The following ERCC6L2 variants were observed in gnomAD, a reference collection of about 807,000 sequenced individuals.
The protein encoded by ERCC6L2 is ERCC excision repair 6 like 2, also known as DNA excision repair protein ERCC-6-like 2.
In ERCC6L2, 77 loss-of-function variants were observed where a neutral mutation model predicts 132.0. The observed-to-expected ratio is 0.58, with a 90% CI of 0.49 to 0.71. The LOEUF is 0.71. ERCC6L2 is among the 30% of genes least tolerant of loss of function. ERCC6L2 has a pLI of 0.00. For synonymous variants in ERCC6L2, 583 were observed against 632.4 expected (o/e 0.92, Z 1.17); for missense variants, 1,542 against 1,837.6 (o/e 0.84, Z 2.94).
intron 16 of ERCC6L2, among the ~76,000 whole-genome samples, chr9:95,974,268 G>A (rs984709185): frequency 1.3e-5 from 2 of 152,044 alleles, no homozygotes; most frequent in Admixed American, 1.3e-4. Context: ...AGTTCATATG[G>A]GAGAGACAGG....
At chr9:96,033,765 T>C (rs534255946) in intron 19 of ERCC6L2, among the ~76,000 whole-genome samples, 1 of 152,316 alleles carries the variant, frequency 6.6e-6, no homozygotes, top group South Asian at 2.1e-4. Flanking sequence ...ATCTGGCAGA[T>C]TTTTGAGAAA....
Position 95,972,504 on chromosome 9 carries a change from G to A in ERCC6L2, c.2753G>A (p.Ser918Asn), listed in dbSNP as rs555749742. 1.1e-5 allele frequency: 14 copies of A among 1,289,800 alleles called. No individual in the cohort carries two copies. The highest frequency in any genetic ancestry group is 1.5e-5 in the African/African-American group (1 of 65,828). The allele number at this position is 1,289,800 out of a possible 1,614,324, so 79.9% of individuals were successfully genotyped here. A position where few individuals can be genotyped will look rare whatever the true frequency, so the allele number is the denominator to read the frequency against. ...ACAACTGAGAGATTCCCCGACAATA[G>A]TATAAGGTTTAAGCCACCCTTGGAA... ...QYTTERFPDN[S>N]IRFKPPLEGS... Residue 918 changes from serine to asparagine, a missense_variant, in exon 16 of 19, where the codon AGT (serine) becomes AAT (asparagine). Physicochemically the swap from Ser to Asn is conservative, Grantham distance 46. Coordinates refer to ENST00000653738, the MANE Select transcript of ERCC6L2 (RefSeq NM_020207.7).
At position 95,894,839 on chromosome 9, in the gene ERCC6L2, G is replaced by A. The variant is rs930623345; in HGVS notation, c.472-3010G>A. ...TTGAACTCCTAACCTCAGGTGATCC[G>A]CCCGCCTCGGCCTCCCAAAATGCTG... is the stretch of plus-strand genomic sequence containing the variant. On this transcript the variant is annotated intron_variant, in intron 2 of 18. Coordinates refer to ENST00000653738, the MANE Select transcript of ERCC6L2 (RefSeq NM_020207.7). Among the ~76,000 whole-genome samples the A allele has an allele frequency of 2.0e-5, 3 of 151,886 alleles. No homozygotes were observed. In the South Asian group the frequency reaches 6.2e-4, roughly 32 times the overall value.
At chr9:95,883,523 T>C (rs1001967905) in intron 2 of ERCC6L2, among the ~76,000 whole-genome samples, 1 of 152,240 alleles carries the variant, frequency 6.6e-6, no homozygotes, top group Admixed American at 6.5e-5. Flanking sequence ...GGTAGAATGT[T>C]TGTTACCACA....
At chr9:95,960,248 A>G (rs998547879) in intron 13 of ERCC6L2, among the ~76,000 whole-genome samples, 1 of 152,108 alleles carries the variant, frequency 6.6e-6, no homozygotes, top group Non-Finnish European at 1.5e-5. Flanking sequence ...TAAGCATGTG[A>G]AGTATTTAAA....
chr9:95,967,825 C>G (rs950930926), intron 14 of ERCC6L2: 4 of 152,096 alleles, frequency 2.6e-5, no homozygotes, highest in African/African-American at 9.7e-5. Flanking sequence ...TTTCCCTTTT[C>G]ATATCAATAA....
chr9:95,994,112 A>C (rs1413900442), intron 17 of ERCC6L2, among the ~76,000 whole-genome samples: 1 of 152,224 alleles, frequency 6.6e-6, no homozygotes, highest in Non-Finnish European at 1.5e-5. Context: ...ATACTTAAGC[A>C]AAAATCCCGA....
At chr9:95,910,023 G>A (rs1182534551) in intron 4 of ERCC6L2, among the ~76,000 whole-genome samples, 2 of 152,160 alleles carry the variant, frequency 1.3e-5, no homozygotes, top group Non-Finnish European at 2.9e-5. Flanking sequence ...TCTGATCCAT[G>A]TGCACTTGGA....
At chr9:95,987,745 C>A (rs541400912) in intron 17 of ERCC6L2, among the ~76,000 whole-genome samples, 13 of 152,320 alleles carry the variant, frequency 8.5e-5, no homozygotes, top group African/African-American at 3.1e-4. Context: ...CTCCACTAGG[C>A]AGTGCCCTAT....
Position 95,876,091 on chromosome 9 carries a change from G to A in ERCC6L2, c.46+7G>A, listed in dbSNP as rs773014434. The A allele has an allele frequency of 6.4e-7, 1 of 1,566,430 alleles. No individual in the cohort carries two copies. The highest frequency in any genetic ancestry group is 8.7e-7 in the Non-Finnish European group (1 of 1,155,966). ...GCGGAAACCTCAGGCAAAGGTACCA[G>A]CTCCGCGCTCGCCCCTTACGCAGAG... On this transcript the variant is annotated splice_region_variant and intron_variant, in intron 1 of 18. Transcript: ENST00000653738.
At chr9:95,895,728 CTTTT>C (rs10711041) in intron 2 of ERCC6L2, among the ~76,000 whole-genome samples, 2 of 135,032 alleles carry the variant, frequency 1.5e-5, no homozygotes, top group African/African-American at 2.7e-5. Context: ...GTTGTCATAG[CTTTT>C]TTTTTTTTTT....
intron 11 of ERCC6L2, among the ~76,000 whole-genome samples, chr9:95,941,085 T>A (rs567082383): frequency 6.6e-6 from 1 of 152,308 alleles, no homozygotes; most frequent in East Asian, 1.9e-4. Context: ...GTGCATCTAT[T>A]CCTGAATTGA....
At chr9:95,962,845 A>G (rs1033283403) in intron 13 of ERCC6L2, among the ~76,000 whole-genome samples, 11 of 152,294 alleles carry the variant, frequency 7.2e-5, no homozygotes, top group African/African-American at 2.6e-4. Flanking sequence ...CAATGGGTTT[A>G]TCTAGATATA....
At chr9:95,984,074 T>C (rs1832993697) in intron 17 of ERCC6L2, among the ~76,000 whole-genome samples, 1 of 126,252 alleles carries the variant, frequency 7.9e-6, no homozygotes. Flanking sequence ...TATCCTTCCT[T>C]TAAGATATAT....
Position 95,907,857 on chromosome 9 carries a change from C to CACACACAAACACA in ERCC6L2, c.788+586_788+587insACACACAAACACA. On this transcript the variant is annotated intron_variant, in intron 4 of 18. Coordinates refer to ENST00000653738, the MANE Select transcript of ERCC6L2 (RefSeq NM_020207.7). ...CACACACACACACACACACACACAC[C>CACACACAAACACA]CCCACACCCACACACCCACTGTAGC... 9.5e-4 allele frequency among the ~76,000 whole-genome samples: 127 copies of CACACACAAACACA among 133,810 alleles called. 3 individuals are homozygous for CACACACAAACACA. The highest frequency in any genetic ancestry group is 1.1e-3 in the Non-Finnish European group (69 of 62,176). 87.8% of individuals were successfully genotyped at this position (133,810 alleles called of 152,430 possible).
chr9:96,001,375 A>T (rs1050734144), intron 17 of ERCC6L2, among the ~76,000 whole-genome samples: 3 of 152,046 alleles, frequency 2.0e-5, no homozygotes, highest in Non-Finnish European at 2.9e-5. Flanking sequence ...TGATTGGTGC[A>T]TTTACAATCC....
intron 12 of ERCC6L2, among the ~76,000 whole-genome samples, chr9:95,942,492 G>T (rs1830852445): frequency 1.3e-5 from 2 of 151,656 alleles, no homozygotes; most frequent in Admixed American, 1.3e-4. Flanking sequence ...TCAGTAGAAG[G>T]TCTGGGAAAA....
intron 13 of ERCC6L2, among the ~76,000 whole-genome samples, chr9:95,964,707 G>T (rs1483322343): frequency 1.3e-5 from 2 of 151,994 alleles, no homozygotes; most frequent in Non-Finnish European, 2.9e-5. Flanking sequence ...TTTCTCCCTT[G>T]TATGGGTTTT....
At chr9:95,961,713 C>A (rs929440657) in intron 13 of ERCC6L2, among the ~76,000 whole-genome samples, 5 of 152,130 alleles carry the variant, frequency 3.3e-5, no homozygotes, top group Non-Finnish European at 7.4e-5. Context: ...ATATAAAGAA[C>A]TCCCACTGTA....
Sources: allele counts gnomAD v4.1 joint callset (sites outside exome capture counted in the v4.1 genomes callset), GRCh38; gene constraint gnomAD v4.1.1; transcripts MANE v1.5; gene names NCBI Gene and HGNC (gene_info 2026-07-23, HGNC 2026-07-21).